Variants in GALNT13 observed in about 807,000 individuals in gnomAD.
GALNT13 encodes UDP-GalNAc:polypeptide N-acetylgalactosaminyltransferase 13.
GALNT13 carries 28 observed loss-of-function variants against 64.2 expected under a neutral mutation model. The observed-to-expected ratio is 0.44, with a 90% confidence interval of 0.32 to 0.60. GALNT13 has a LOEUF of 0.60. Among genes scored for constraint, GALNT13 ranks in the 20% least tolerant of loss-of-function variants. The pLI is 0.05. For synonymous variants in GALNT13, 214 were observed against 224.6 expected (o/e 0.95, Z 0.42); for missense variants, 577 against 669.8 (o/e 0.86, Z 1.53).
the GALNT13 span, among the ~76,000 whole-genome samples, chr2:153,113,445 G>A: frequency 6.6e-6 from 1 of 151,992 alleles, no homozygotes; most frequent in African/African-American, 2.4e-5. Flanking sequence ...CTCTAGTGCA[G>A]TTAAATAAGA....
At chr2:153,639,192 A>G in the GALNT13 span, among the ~76,000 whole-genome samples, 1 of 152,026 alleles carries the variant, frequency 6.6e-6, no homozygotes, top group Non-Finnish European at 1.5e-5. Flanking sequence ...AAGGAAAGGC[A>G]TGAGGTATGT....
chr2:153,476,991 T>C, the GALNT13 span, among the ~76,000 whole-genome samples: 1 of 152,196 alleles, frequency 6.6e-6, no homozygotes, highest in Non-Finnish European at 1.5e-5. Context: ...ATTAGCGGTG[T>C]AATCCTGTGT....
At chr2:154,279,813 C>T (rs1342238453) in intron 8 of GALNT13, among the ~76,000 whole-genome samples, 1 of 152,002 alleles carries the variant, frequency 6.6e-6, no homozygotes, top group Non-Finnish European at 1.5e-5. Flanking sequence ...TAATAAAAAA[C>T]TGTCAAAAGT....
At chr2:153,476,048 AAAC>A in the GALNT13 span, among the ~76,000 whole-genome samples, 2 of 152,176 alleles carry the variant, frequency 1.3e-5, no homozygotes, top group Admixed American at 1.3e-4. Flanking sequence ...CCAGATACCA[AAAC>A]AACAAACAAG....
intron 4 of GALNT13, among the ~76,000 whole-genome samples, chr2:154,147,381 T>TTATATATA (rs34053196): frequency 7.5e-4 from 108 of 144,236 alleles, no homozygotes; most frequent in African/African-American, 2.5e-3. Context: ...GAATGGAATT[T>TTATATATA]TATATATATA....
intron 9 of GALNT13, among the ~76,000 whole-genome samples, chr2:154,308,191 T>C (rs1297760152): frequency 6.6e-6 from 1 of 152,140 alleles, no homozygotes; most frequent in Non-Finnish European, 1.5e-5. Context: ...GGCAATATTG[T>C]AGTTTGATCT....
At chr2:154,404,773 G>C (rs1384569997) in intron 10 of GALNT13, among the ~76,000 whole-genome samples, 1 of 152,010 alleles carries the variant, frequency 6.6e-6, no homozygotes, top group African/African-American at 2.4e-5. Flanking sequence ...GGAAATGAAT[G>C]GTCCAGATTA....
At chr2:153,302,173 G>T in the GALNT13 span, among the ~76,000 whole-genome samples, 7 of 152,084 alleles carry the variant, frequency 4.6e-5, no homozygotes, top group Non-Finnish European at 7.4e-5. Flanking sequence ...CCACCAAAAA[G>T]TGTGCAACAG....
At chr2:154,189,651 G>A (rs1365597951) in intron 4 of GALNT13, among the ~76,000 whole-genome samples, 6 of 151,412 alleles carry the variant, frequency 4.0e-5, no homozygotes, top group Admixed American at 6.6e-5. Flanking sequence ...AGCAGACTAA[G>A]ACAGATGCAA....
chr2:154,252,395 A>T (rs113168435), intron 7 of GALNT13, among the ~76,000 whole-genome samples: 7 of 150,094 alleles, frequency 4.7e-5, no homozygotes, highest in Non-Finnish European at 7.4e-5. Context: ...TCGCTCTGTC[A>T]CCCAGGCTGG....
At chr2:153,843,751 TA>T in the GALNT13 span, among the ~76,000 whole-genome samples, 3 of 152,114 alleles carry the variant, frequency 2.0e-5, no homozygotes, top group African/African-American at 7.2e-5. Flanking sequence ...AGGCATTGGG[TA>T]AACATCCCAT....
chr2:153,880,608 A>T (rs1285197186), intron 1 of GALNT13, among the ~76,000 whole-genome samples: 1 of 152,104 alleles, frequency 6.6e-6, no homozygotes, highest in Non-Finnish European at 1.5e-5. Context: ...AGCAAATTTC[A>T]CCAGGATTCC....
chr2:153,099,833 T>C, the GALNT13 span, among the ~76,000 whole-genome samples: 5 of 152,200 alleles, frequency 3.3e-5, no homozygotes, highest in Non-Finnish European at 4.4e-5. Flanking sequence ...TCACACAGTA[T>C]GCAGCAAGTC....
At chr2:154,341,275 G>A (rs544163481) in intron 9 of GALNT13, among the ~76,000 whole-genome samples, 130 of 152,152 alleles carry the variant, frequency 8.5e-4, no homozygotes, top group East Asian at 9.7e-4. Flanking sequence ...TGCTACTAGA[G>A]AGAGCCATAG....
chr2:154,379,317 T>C (rs1018485316), intron 9 of GALNT13, among the ~76,000 whole-genome samples: 2 of 152,024 alleles, frequency 1.3e-5, no homozygotes, highest in Non-Finnish European at 2.9e-5. Context: ...TTTTAGAGCC[T>C]TAAACTAGAT....
the GALNT13 span, among the ~76,000 whole-genome samples, chr2:153,305,337 T>A: frequency 1.3e-5 from 2 of 152,072 alleles, no homozygotes; most frequent in South Asian, 4.1e-4. Flanking sequence ...GTTCTAGGAG[T>A]ATCTGTCATC....
chr2:153,433,285 C>T, the GALNT13 span, among the ~76,000 whole-genome samples: 1 of 152,066 alleles, frequency 6.6e-6, no homozygotes, highest in Non-Finnish European at 1.5e-5. Context: ...TCTGATCTAC[C>T]ACATTCTTTC....
chr2:154,090,228 A>G (rs1701739062), intron 3 of GALNT13, among the ~76,000 whole-genome samples: 1 of 152,202 alleles, frequency 6.6e-6, no homozygotes, highest in South Asian at 2.1e-4. Flanking sequence ...TATTGGAAAT[A>G]AGGTGAAATA....
At chr2:154,226,036 G>T (rs1573912482) in intron 4 of GALNT13, among the ~76,000 whole-genome samples, 1 of 152,064 alleles carries the variant, frequency 6.6e-6, no homozygotes, top group East Asian at 1.9e-4. Flanking sequence ...ATATTTTTAG[G>T]TTTTGTGACT....
Sources: allele counts gnomAD v4.1 joint callset (sites outside exome capture counted in the v4.1 genomes callset), GRCh38; gene constraint gnomAD v4.1.1; transcripts MANE v1.5; gene names NCBI Gene and HGNC (gene_info 2026-07-23, HGNC 2026-07-21).